The following DMD variants were observed in gnomAD, a reference collection of about 807,000 sequenced individuals.
DMD encodes the protein dystrophin.
Under a neutral mutation model 330.1 loss-of-function variants are expected in DMD, and 63 were observed. That is an observed-to-expected ratio of 0.19 (90% CI 0.16 to 0.24). The LOEUF is 0.24. Ranked by LOEUF, DMD falls within the 10% of genes least tolerant of loss-of-function variation. The pLI is 1.00. For missense variants in DMD, 3,344 were observed against 2,684.1 expected, an observed-to-expected ratio of 1.25 and a Z score of -5.43; for synonymous variants, 1,223 against 959.8, an observed-to-expected ratio of 1.27 and a Z score of -5.07.
intron 1 of DMD, among the ~76,000 whole-genome samples, chrX:33,121,231 C>T (rs868671566): frequency 2.1e-4 from 20 of 95,066 alleles, no homozygotes; most frequent in African/African-American, 7.9e-4. Flanking sequence ...ATTTATCATT[C>T]TTTTTTTTTT....
intron 9 of DMD, among the ~76,000 whole-genome samples, chrX:32,655,350 T>C (rs140124196): frequency 0.11 from 12,491 of 112,006 alleles, 573 homozygotes; most frequent in African/African-American, 0.15. Context: ...TTTGTTCTCA[T>C]TGGTTTCAAA....
chrX:32,343,288 T>G lies in DMD; in HGVS notation c.5587-2A>C. The G allele has an allele frequency of 4.2e-6, 5 of 1,199,244 alleles. No individual in the cohort carries two copies. The highest frequency in any genetic ancestry group is 5.7e-6 in the Non-Finnish European group (5 of 884,507). Reference sequence around the variant, plus strand: ...TTTTCTTCTTTGAGACCTCAAATCCTGTTCATGGTGCAGACATTATTAAAA... The same window carrying G: ...TTTTCTTCTTTGAGACCTCAAATCCGGTTCATGGTGCAGACATTATTAAAA... On this transcript the variant is annotated splice_acceptor_variant, in intron 39 of 78. Transcript: ENST00000357033. LOFTEE classifies it high-confidence loss of function.
intron 44 of DMD, among the ~76,000 whole-genome samples, chrX:32,083,033 C>G (rs1223777574): frequency 8.9e-6 from 1 of 111,988 alleles, no homozygotes; most frequent in African/African-American, 3.2e-5. Flanking sequence ...AATTTTTAAG[C>G]ACCTCTTATT....
At chrX:32,740,541 T>G (rs148297572) in intron 7 of DMD, among the ~76,000 whole-genome samples, 1,897 of 111,368 alleles carry the variant, frequency 0.017, 42 homozygotes, top group African/African-American at 0.058. Context: ...AATATTTATC[T>G]TTCGGTGTAA....
intron 55 of DMD, among the ~76,000 whole-genome samples, chrX:31,522,068 G>A (rs1416335137): frequency 9.1e-6 from 1 of 110,327 alleles, no homozygotes; most frequent in Non-Finnish European, 1.9e-5. Flanking sequence ...CAGCCCTGTG[G>A]GAACAAAGAA....
At chrX:32,295,141 T>C (rs1237634523) in intron 42 of DMD, among the ~76,000 whole-genome samples, 1 of 112,022 alleles carries the variant, frequency 8.9e-6, no homozygotes, top group African/African-American at 3.2e-5. Flanking sequence ...TTCTGTAAGA[T>C]GTTTATTTTT....
chrX:31,961,740 G>GTTTTTTTTTTTTTTTTTTTTTTTTTTTT (rs59279553), intron 45 of DMD, among the ~76,000 whole-genome samples: 1 of 75,634 alleles, frequency 1.3e-5, no homozygotes, highest in Non-Finnish European at 2.5e-5. Context: ...AAAGGAAGCG[G>GTTTTTTTTTTTTTTTTTTTTTTTTTTTT]TTTTTTTTTT....
At chrX:32,636,953 G>A (rs1395699827) in intron 11 of DMD, among the ~76,000 whole-genome samples, 1 of 109,573 alleles carries the variant, frequency 9.1e-6, no homozygotes, top group African/African-American at 3.3e-5. Flanking sequence ...AGCCGAGATA[G>A]CGCCACTGCA....
At chrX:32,817,542 A>C (rs957071125) in intron 5 of DMD, among the ~76,000 whole-genome samples, 1 of 112,171 alleles carries the variant, frequency 8.9e-6, no homozygotes, top group African/African-American at 3.2e-5. Flanking sequence ...ATTATTATTT[A>C]TTAAAGACTG....
chrX:32,127,038 G>A (rs952779908), intron 44 of DMD, among the ~76,000 whole-genome samples: 3 of 111,646 alleles, frequency 2.7e-5, no homozygotes, highest in African/African-American at 9.8e-5. Context: ...AGGAGCTTCT[G>A]ATCTTCCTTT....
chrX:31,141,062 C>T (rs910481201), intron 76 of DMD, among the ~76,000 whole-genome samples: 2 of 110,823 alleles, frequency 1.8e-5, no homozygotes, highest in African/African-American at 3.3e-5. Flanking sequence ...GGCATGGTGG[C>T]GAGCCTGTAA....
chrX:32,166,290 A>G (rs1032341839), intron 44 of DMD, among the ~76,000 whole-genome samples: 1 of 110,278 alleles, frequency 9.1e-6, no homozygotes, highest in East Asian at 2.9e-4. Flanking sequence ...CTCTGTCTCT[A>G]TAAGAAAAGA....
At chrX:31,328,533 C>T (rs1036098217) in intron 61 of DMD, among the ~76,000 whole-genome samples, 1 of 110,943 alleles carries the variant, frequency 9.0e-6, no homozygotes, top group Non-Finnish European at 1.9e-5. Flanking sequence ...TATTTCAAAG[C>T]CCAATCCAGC....
chrX:32,863,404 C>A (rs1490632073), intron 2 of DMD, among the ~76,000 whole-genome samples: 1 of 106,456 alleles, frequency 9.4e-6, no homozygotes, highest in Non-Finnish European at 1.9e-5. Flanking sequence ...GAAGTCCCAG[C>A]TACTTGGGAG....
intron 62 of DMD, among the ~76,000 whole-genome samples, chrX:31,299,803 G>C (rs992542428): frequency 9.4e-6 from 1 of 106,444 alleles, no homozygotes; most frequent in East Asian, 2.9e-4. Context: ...AAAAAAGGAT[G>C]GGGGGGATGA....
chrX:31,766,537 C>T (rs1373522910), intron 51 of DMD, among the ~76,000 whole-genome samples: 1 of 112,250 alleles, frequency 8.9e-6, no homozygotes, highest in East Asian at 2.8e-4. Context: ...GGATTACAGG[C>T]GTGAGCTACC....
chrX:33,149,719 G>A (rs1205670773), intron 1 of DMD, among the ~76,000 whole-genome samples: 7 of 111,175 alleles, frequency 6.3e-5, no homozygotes, highest in East Asian at 2.8e-4. Flanking sequence ...TCTCCCTGTC[G>A]TCTCCACCAA....
intron 1 of DMD, among the ~76,000 whole-genome samples, chrX:33,170,720 C>T (rs983787843): frequency 4.0e-4 from 45 of 111,747 alleles, no homozygotes; most frequent in Non-Finnish European, 7.8e-4. Flanking sequence ...TCAATTCATG[C>T]TAGCTACATT....
chrX:33,314,242 G>A (rs2053893649), intron 1 of DMD, among the ~76,000 whole-genome samples: 1 of 110,237 alleles, frequency 9.1e-6, no homozygotes, highest in Non-Finnish European at 1.9e-5. Flanking sequence ...TGATTTAAAT[G>A]TACATATATT....
Sources: gnomAD v4.1 joint callset for allele counts (sites outside exome capture counted in the v4.1 genomes callset) on GRCh38, gnomAD v4.1.1 for gene constraint, MANE v1.5 for transcripts, NCBI Gene and HGNC (gene_info 2026-07-23, HGNC 2026-07-21) for gene names.